MLPH: variants seen among roughly 807,000 people sequenced by gnomAD.
MLPH encodes exophilin-3.
In MLPH, 51 loss-of-function variants were observed where a neutral mutation model predicts 72.1. The observed-to-expected ratio is 0.71, with a 90% CI of 0.56 to 0.89. The LOEUF (loss-of-function observed/expected upper bound fraction) is 0.89. Among genes scored for constraint, MLPH ranks in the 40% least tolerant of loss-of-function variants. The probability of loss-of-function intolerance (pLI) is 0.00; values close to 1 mark genes in which losing one functional copy is unlikely to be tolerated. For missense variants in MLPH, 743 were observed against 759.9 expected (o/e 0.98, Z 0.26); for synonymous variants, 301 against 310.1 (o/e 0.97, Z 0.31).
intron 9 of MLPH, 99 bp downstream of exon 9, chr2:237,534,746 G>C: frequency 1.9e-6 from 2 of 1,037,176 alleles, no homozygotes; most frequent in Admixed American, 3.4e-5. Context: ...AGTTTCTTGA[G>C]ATTTTGCTGT....
chr2:237,531,081 G>C (rs1238529251), intron 8 of MLPH, among the ~76,000 whole-genome samples: 1 of 152,184 alleles, frequency 6.6e-6, no homozygotes, highest in Admixed American at 6.5e-5. Context: ...GCAGCTGGGG[G>C]GTCCCAGAAA....
chr2:237,554,753 C>T lies in MLPH; in HGVS notation c.*1161C>T, dbSNP rs1444436496. On this transcript the variant is annotated 3_prime_UTR_variant, in exon 16 of 16. Transcript: ENST00000264605. ...CAAGCATTGACCAAGTTAAGTGTTT[C>T]CTTCCCTCTCTCAATAAGACACTTC... 2 of 152,138 alleles carry T rather than the reference C, an allele frequency of 1.3e-5. No homozygotes were observed. Among genetic ancestry groups the T allele is most frequent in the Non-Finnish European group, 2.9e-5 (2 of 68,042 alleles). 9.4% of individuals were successfully genotyped at this position (152,138 alleles called of 1,614,324 possible).
chr2:237,535,506 G>A (rs1183719843), intron 9 of MLPH, among the ~76,000 whole-genome samples: 1 of 152,002 alleles, frequency 6.6e-6, no homozygotes, highest in Non-Finnish European at 1.5e-5. Context: ...GTGTGTGTGT[G>A]CTTTTGTGTC....
chr2:237,526,575 G>A (rs116713670), intron 7 of MLPH, among the ~76,000 whole-genome samples: 4,214 of 152,268 alleles, frequency 0.028, 72 homozygotes, highest in African/African-American at 0.045. Context: ...GTGCAGACCT[G>A]GAGAGCAGTT....
At chr2:237,527,538 TC>T (rs1448206096) in intron 8 of MLPH, 22 bp downstream of exon 8, 1 of 1,613,928 alleles carries the variant, frequency 6.2e-7, no homozygotes, top group Admixed American at 1.7e-5. Flanking sequence ...TGGAAAGACT[TC>T]TGTCTTGTCG....
chr2:237,491,498 A>G (rs1045706773), intron 1 of MLPH, among the ~76,000 whole-genome samples: 12 of 152,244 alleles, frequency 7.9e-5, no homozygotes, highest in Non-Finnish European at 1.3e-4. Context: ...AGCACAGAAA[A>G]GCACCTGCCA....
In MLPH at chr2:237,527,400, C is replaced by A; in HGVS notation, c.904C>A (p.Gln302Lys). 1 of 1,614,218 alleles carries A rather than the reference C, an allele frequency of 6.2e-7. No homozygotes were observed. Among genetic ancestry groups the A allele is most frequent in the Non-Finnish European group, 8.5e-7 (1 of 1,180,060 alleles). Residue 302 changes from glutamine to lysine, a missense_variant, in exon 8 of 16, where the codon CAG becomes AAG. Physicochemically the swap from Gln to Lys is moderately conservative, Grantham distance 53 (BLOSUM62 1). Coordinates refer to ENST00000264605, the MANE Select transcript of MLPH (RefSeq NM_024101.7). ...ALGSNVIRNEQLPLQYLADVD... is the reference protein window; with the variant it reads ...ALGSNVIRNEKLPLQYLADVD... ...AGGGTCGAATGTCATCAGGAATGAG[C>A]AGCTGCCCCTGCAGTACTTGGCCGA...
intron 12 of MLPH, chr2:237,545,664 T>C (rs2080903058): frequency 2.4e-6 from 3 of 1,249,578 alleles, no homozygotes; most frequent in Non-Finnish European, 3.1e-6. Flanking sequence ...AACATCCTCC[T>C]CTCCTGATCC....
rs1388837006 is a variant in MLPH, at chr2:237,510,025, C to A, written c.111-549C>A. ...CAATCAGTTCAACTTGGCAGGTTCACCAGGAAGCTGTGTTATTTAAACTCG... is the reference window on the plus strand; with the variant it reads ...CAATCAGTTCAACTTGGCAGGTTCAACAGGAAGCTGTGTTATTTAAACTCG... On this transcript the variant is annotated intron_variant, in intron 2 of 15. Coordinates refer to ENST00000264605, the MANE Select transcript of MLPH (RefSeq NM_024101.7). This position sits in a 1 kb window ranked among gnomAD's most constrained non-coding sequence, Gnocchi z 4.4. 6.0e-6 allele frequency: 1 copy of A among 167,996 alleles called. No homozygotes were observed. The highest frequency in any genetic ancestry group is 1.3e-5 in the Non-Finnish European group (1 of 76,526). The allele number at this position is 167,996 out of a possible 1,614,324, so 10.4% of individuals were successfully genotyped here. A position where few individuals can be genotyped will look rare whatever the true frequency, so the allele number is the denominator to read the frequency against.
At chr2:237,519,087 G>GTTTTTTTTT (rs397689972) in intron 5 of MLPH, among the ~76,000 whole-genome samples, 1 of 148,270 alleles carries the variant, frequency 6.7e-6, no homozygotes, top group South Asian at 2.1e-4. Context: ...TGTTTTGTTT[G>GTTTTTTTTT]TTTTTTTTTG....
At chr2:237,519,545 C>T (rs1167439742) in intron 5 of MLPH, among the ~76,000 whole-genome samples, 1 of 152,218 alleles carries the variant, frequency 6.6e-6, no homozygotes, top group Non-Finnish European at 1.5e-5. Flanking sequence ...CGTGCCCCGG[C>T]TATCCGAAGC....
In MLPH at chr2:237,512,959, A is replaced by C. The variant is rs2079937403; in HGVS notation, c.445+1858A>C. 6.6e-6 allele frequency among the ~76,000 whole-genome samples: 1 copy of C among 152,072 alleles called. No homozygotes were observed. The highest frequency in any genetic ancestry group is 6.6e-5 in the Admixed American group (1 of 15,266). On this transcript the variant is annotated intron_variant, in intron 4 of 15. Coordinates refer to ENST00000264605, the MANE Select transcript of MLPH (RefSeq NM_024101.7). This position sits in a 1 kb window ranked among gnomAD's most constrained non-coding sequence, Gnocchi z 5.5. ...GCGCTGTGGGGCAACAGAAAACAGA[A>C]AACAGCTGCTCCTTGAACTTGGATT...
chr2:237,507,051 CTT>C (rs1242812118), intron 2 of MLPH, among the ~76,000 whole-genome samples: 1 of 119,382 alleles, frequency 8.4e-6, no homozygotes, highest in African/African-American at 3.2e-5. Flanking sequence ...TTTCCTTTTT[CTT>C]TTTTTTTTCT....
chr2:237,543,115 T>TAGTGAGTGGGGAG (rs2080760025), intron 12 of MLPH, among the ~76,000 whole-genome samples: 1 of 18,884 alleles, frequency 5.3e-5, no homozygotes, highest in South Asian at 2.6e-3. Flanking sequence ...TGAGTGGGGG[T>TAGTGAGTGGGGAG]ACAGTGGTGA....
rs71887544 is a variant in MLPH, at chr2:237,510,900, CGT to C, written c.333-65_333-64del. 0.18 allele frequency: 203,900 copies of C among 1,113,738 alleles called. 6,967 individuals carry two copies. The highest frequency in any genetic ancestry group is 0.2 in the Non-Finnish European group (155,769 of 791,054). The allele number at this position is 1,113,738 out of a possible 1,614,324, so 69.0% of individuals were successfully genotyped here. On this transcript the variant is annotated intron_variant, in intron 3 of 15. Coordinates refer to ENST00000264605, the MANE Select transcript of MLPH (RefSeq NM_024101.7). This position sits in a 1 kb window ranked among gnomAD's most constrained non-coding sequence, Gnocchi z 4.4. Reference sequence around the variant, plus strand: ...GGGTGGACGCACACATGCACACACTCGTGTGTGTGTGTGTGTGTGTGTGTGAG... The same window carrying C: ...GGGTGGACGCACACATGCACACACTCGTGTGTGTGTGTGTGTGTGTGTGAG...
chr2:237,540,456 G>A lies in MLPH; in HGVS notation c.1213G>A (p.Glu405Lys). The A allele has an allele frequency of 6.2e-7, 1 of 1,612,936 alleles. No individual in the cohort carries two copies. The highest frequency in any genetic ancestry group is 8.5e-7 in the Non-Finnish European group (1 of 1,179,486). The change falls in exon 10 of 16, where the codon GAG becomes AAG. Residue 405 changes from glutamate to lysine, a missense_variant. Coordinates refer to ENST00000264605, the MANE Select transcript of MLPH (RefSeq NM_024101.7). ...CAGTGACCAGGAGACCTCGTCCGAG[G>A]AGGAGGAAGCCAAGGACGAAAAGGC... ...NVSDQETSSE[E>K]EEAKDEKAEP...
chr2:237,496,394 A>T (rs1025726398), intron 2 of MLPH, among the ~76,000 whole-genome samples: 2 of 152,170 alleles, frequency 1.3e-5, no homozygotes, highest in Non-Finnish European at 2.9e-5. Flanking sequence ...AGAAACCCCC[A>T]TGCGTTTCCT....
rs1414724848 is a variant in MLPH at position 237,554,529 on chromosome 2, C to G, written c.*937C>G. ...GAGTTATTTCCTAGTATCGGTGTGCCCCATCCAGTTTTAAGTGGAGCCCTC... is the reference window on the plus strand; with the variant it reads ...GAGTTATTTCCTAGTATCGGTGTGCGCCATCCAGTTTTAAGTGGAGCCCTC... On this transcript the variant is annotated 3_prime_UTR_variant, in exon 16 of 16. Coordinates refer to ENST00000264605, the MANE Select transcript of MLPH (RefSeq NM_024101.7). The G allele has an allele frequency of 6.5e-6, 1 of 153,110 alleles. No homozygotes were observed. Among genetic ancestry groups the G allele is most frequent in the Non-Finnish European group, 1.5e-5 (1 of 68,772 alleles). The allele number at this position is 153,110 out of a possible 1,614,324, so 9.5% of individuals were successfully genotyped here.
rs777225999 is a variant in MLPH, at chr2:237,510,970, C to T, written c.333-19C>T. On this transcript the variant is annotated intron_variant, in intron 3 of 15. Coordinates refer to ENST00000264605, the MANE Select transcript of MLPH (RefSeq NM_024101.7). This position sits in a 1 kb window ranked among gnomAD's most constrained non-coding sequence, Gnocchi z 4.4. ...TACAGCACTCAGGCAGTGCCATGAG[C>T]CTGTGCTTGTCCCTGCAGAGTCGTG... is the stretch of plus-strand genomic sequence containing the variant. 3.7e-6 allele frequency: 6 copies of T among 1,603,620 alleles called. No individual in the cohort carries two copies. The Admixed American group carries it at 8.3e-5, about 22-fold the overall frequency.
Sources: allele counts gnomAD v4.1 joint callset (sites outside exome capture counted in the v4.1 genomes callset), GRCh38; gene constraint gnomAD v4.1.1; non-coding constraint Gnocchi (gnomAD v3.1); transcripts MANE v1.5; gene names NCBI Gene and HGNC (gene_info 2026-07-23, HGNC 2026-07-21).